Variants in SLC35F1 observed in about 807,000 individuals in gnomAD.
The protein encoded by SLC35F1 is chromosome 6 open reading frame 169.
Under a neutral mutation model 48.7 loss-of-function variants are expected in SLC35F1, and 14 were observed. The observed-to-expected ratio is 0.29, with a 90% CI of 0.19 to 0.45. SLC35F1 has a LOEUF of 0.45. SLC35F1 is among the 20% of genes least tolerant of loss of function. The pLI is 1.00. For synonymous variants in SLC35F1, 190 were observed against 202.2 expected, an observed-to-expected ratio of 0.94 and a Z score of 0.51; for missense variants, 404 against 500.0, an observed-to-expected ratio of 0.81 and a Z score of 1.83.
chr6:118,275,383 A>G (rs557014485), intron 4 of SLC35F1, 76 bp from the exon 5 acceptor site: 26 of 1,484,696 alleles, frequency 1.8e-5, no homozygotes, highest in Non-Finnish European at 2.3e-5. Flanking sequence ...AGGGAAGCTC[A>G]ATTTGCCGAT....
chr6:118,214,805 G>A lies in SLC35F1; in HGVS notation c.350-20704G>A, dbSNP rs570395145. 1.1e-3 allele frequency among the ~76,000 whole-genome samples: 166 copies of A among 152,190 alleles called. 1 individual carries two copies. Among genetic ancestry groups the A allele is most frequent in the African/African-American group, 3.7e-3 (155 of 41,528 alleles). On this transcript the variant is annotated intron_variant, in intron 2 of 7. Coordinates refer to ENST00000360388, the MANE Select transcript of SLC35F1 (RefSeq NM_001029858.4). ...GAAGGAAGGTGAAGAATAGTAAGCC[G>A]AACACTGTCTCTCAATGAGACAAAA...
chr6:117,923,659 G>A lies in SLC35F1; in HGVS notation c.173+15760G>A, dbSNP rs867923957. On this transcript the variant is annotated intron_variant, in intron 1 of 7. Coordinates refer to ENST00000360388, the MANE Select transcript of SLC35F1 (RefSeq NM_001029858.4). ...TGTACATATGTACATATGTACATATGTATATATACATATATGTACATATAT... is the reference window on the plus strand; with the variant it reads ...TGTACATATGTACATATGTACATATATATATATACATATATGTACATATAT... Among the ~76,000 whole-genome samples, 41 of 28,846 alleles carry A rather than the reference G, an allele frequency of 1.4e-3. 10 individuals are homozygous for A. Among genetic ancestry groups the A allele is most frequent in the South Asian group, 0.011 (9 of 794 alleles). 18.9% of individuals were successfully genotyped at this position (28,846 alleles called of 152,430 possible).
intron 1 of SLC35F1, among the ~76,000 whole-genome samples, chr6:118,012,984 T>C (rs1777270467): frequency 6.6e-6 from 1 of 152,134 alleles, no homozygotes; most frequent in Non-Finnish European, 1.5e-5. Flanking sequence ...GTCAGAGCCC[T>C]CTTCGAGTTG....
chr6:118,249,205 A>G (rs1198214898), intron 3 of SLC35F1, among the ~76,000 whole-genome samples: 1 of 152,228 alleles, frequency 6.6e-6, no homozygotes, highest in Non-Finnish European at 1.5e-5. Flanking sequence ...GTTCGAAGGC[A>G]CTTATCTTCT....
chr6:118,245,485 G>A (rs1010435364), intron 3 of SLC35F1, among the ~76,000 whole-genome samples: 6 of 152,170 alleles, frequency 3.9e-5, no homozygotes, highest in Admixed American at 6.5e-5. Flanking sequence ...TGCTGGACAC[G>A]GAGCTGCTGT....
At chr6:118,167,521 C>T (rs908660250) in intron 2 of SLC35F1, among the ~76,000 whole-genome samples, 35 of 151,794 alleles carry the variant, frequency 2.3e-4, no homozygotes, top group African/African-American at 7.7e-4. Context: ...AATTGTAACA[C>T]AATAATGAGT....
chr6:117,986,646 T>C (rs1319425392), intron 1 of SLC35F1, among the ~76,000 whole-genome samples: 1 of 152,160 alleles, frequency 6.6e-6, no homozygotes, highest in Non-Finnish European at 1.5e-5. Context: ...ACCCCAATGC[T>C]GTGTCACATG....
chr6:118,158,316 G>GA (rs1774175423), intron 2 of SLC35F1, among the ~76,000 whole-genome samples: 1 of 152,116 alleles, frequency 6.6e-6, no homozygotes, highest in Non-Finnish European at 1.5e-5. Flanking sequence ...ATGTTCTGGA[G>GA]ACATACTAAT....
intron 1 of SLC35F1, among the ~76,000 whole-genome samples, chr6:118,054,483 T>G (rs1772435400): frequency 6.6e-6 from 1 of 152,242 alleles, no homozygotes; most frequent in South Asian, 2.1e-4. Context: ...TGGAATATAA[T>G]TCCCTGCTCT....
chr6:118,212,103 T>C (rs1038473908), intron 2 of SLC35F1, among the ~76,000 whole-genome samples: 5 of 152,206 alleles, frequency 3.3e-5, no homozygotes, highest in Non-Finnish European at 5.9e-5. Flanking sequence ...TTCATCTTTC[T>C]TTGACCAAGA....
intron 1 of SLC35F1, among the ~76,000 whole-genome samples, chr6:118,000,164 C>G (rs375844004): frequency 6.6e-6 from 1 of 152,076 alleles, no homozygotes; most frequent in South Asian, 2.1e-4. Flanking sequence ...AATTTTAGAC[C>G]AATATCCTTG....
chr6:118,073,963 C>G (rs1263814303), intron 1 of SLC35F1, among the ~76,000 whole-genome samples: 2 of 152,122 alleles, frequency 1.3e-5, no homozygotes, highest in African/African-American at 4.8e-5. Context: ...CTGATATCAG[C>G]AAATCCAGGG....
chr6:118,154,297 C>T (rs900889474), intron 1 of SLC35F1, 148 bp from the exon 2 acceptor site: 12 of 640,096 alleles, frequency 1.9e-5, no homozygotes, highest in Non-Finnish European at 2.8e-5. Context: ...GCACCTTCCT[C>T]GAGGGATTGC....
chr6:118,190,825 A>C (rs1470887203), intron 2 of SLC35F1, among the ~76,000 whole-genome samples: 1 of 152,164 alleles, frequency 6.6e-6, no homozygotes, highest in Admixed American at 6.5e-5. Flanking sequence ...TTGCTTAACT[A>C]AGCACTCTTT....
chr6:117,999,268 C>T (rs759186378), intron 1 of SLC35F1: 58 of 1,595,830 alleles, frequency 3.6e-5, no homozygotes, highest in African/African-American at 3.3e-4. Flanking sequence ...GACATGCCTA[C>T]GTTGCCCACC....
At chr6:118,145,750 A>G (rs1773962226) in intron 1 of SLC35F1, among the ~76,000 whole-genome samples, 1 of 152,212 alleles carries the variant, frequency 6.6e-6, no homozygotes, top group Admixed American at 6.5e-5. Flanking sequence ...ACCATAGCAT[A>G]AAGATAACCT....
At chr6:118,154,939 G>A (rs1482082784) in intron 2 of SLC35F1, among the ~76,000 whole-genome samples, 1 of 152,134 alleles carries the variant, frequency 6.6e-6, no homozygotes, top group Non-Finnish European at 1.5e-5. Flanking sequence ...ACTTGGAACA[G>A]GCCTGATGCA....
intron 1 of SLC35F1, among the ~76,000 whole-genome samples, chr6:118,103,614 G>T (rs552638600): frequency 6.6e-6 from 1 of 152,170 alleles, no homozygotes; most frequent in Non-Finnish European, 1.5e-5. Context: ...TACATGGTGC[G>T]GAATGAATCC....
chr6:118,008,197 A>G (rs1486890801), intron 1 of SLC35F1, among the ~76,000 whole-genome samples: 1 of 152,122 alleles, frequency 6.6e-6, no homozygotes, highest in African/African-American at 2.4e-5. Context: ...GTATACATGT[A>G]TCAAAATATC....
Sources: gnomAD v4.1 joint callset for allele counts (sites outside exome capture counted in the v4.1 genomes callset) on GRCh38, gnomAD v4.1.1 for gene constraint, MANE v1.5 for transcripts, NCBI Gene and HGNC (gene_info 2026-07-23, HGNC 2026-07-21) for gene names.